The following SPARCL1 variants were observed in gnomAD, a reference collection of about 807,000 sequenced individuals.
SPARCL1 encodes the protein SPARC-like protein 1.
Under a neutral mutation model 67.1 loss-of-function variants are expected in SPARCL1, and 52 were observed. The observed-to-expected ratio is 0.78, with a 90% CI of 0.62 to 0.98. The LOEUF (loss-of-function observed/expected upper bound fraction) is 0.98. SPARCL1 is among the 50% of genes least tolerant of loss of function. SPARCL1 has a pLI of 0.00. For synonymous variants in SPARCL1, 226 were observed against 267.8 expected, an observed-to-expected ratio of 0.84 and a Z score of 1.52; for missense variants, 717 against 782.4, an observed-to-expected ratio of 0.92 and a Z score of 1.00.
chr4:87,527,890 A>G (rs1726115781), intron 1 of SPARCL1, among the ~76,000 whole-genome samples: 1 of 152,176 alleles, frequency 6.6e-6, no homozygotes, highest in African/African-American at 2.4e-5. Flanking sequence ...ATAGTTAACA[A>G]TAGTCACAAC....
intron 1 of SPARCL1, among the ~76,000 whole-genome samples, chr4:87,505,273 C>T (rs76234979): frequency 6.6e-6 from 1 of 152,194 alleles, no homozygotes; most frequent in Admixed American, 6.5e-5. Flanking sequence ...GCTATCTTTT[C>T]CCCTTAAACT....
At chr4:87,527,549 T>G (rs1726099447) in intron 1 of SPARCL1, among the ~76,000 whole-genome samples, 2 of 152,224 alleles carry the variant, frequency 1.3e-5, no homozygotes, top group African/African-American at 2.4e-5. Flanking sequence ...GCATCACTAT[T>G]CATTTTATTT....
At position 87,529,169 on chromosome 4, in the gene SPARCL1, T is replaced by C. The variant is rs1226951973; in HGVS notation, c.-136A>G. On this transcript the variant is annotated 5_prime_UTR_variant, in exon 1 of 11. Transcript: ENST00000282470. ...AAAACTCTTTAAATCCCTTTCCTCG[T>C]TAGCTCTGCTTCTTTGCCCAGAGGC... The C allele has an allele frequency of 2.6e-5, 4 of 152,230 alleles. No homozygotes were observed. Among genetic ancestry groups the C allele is most frequent in the Non-Finnish European group, 5.9e-5 (4 of 68,038 alleles). 9.4% of individuals were successfully genotyped at this position (152,230 alleles called of 1,614,324 possible).
intron 2 of SPARCL1, among the ~76,000 whole-genome samples, chr4:87,498,745 T>C (rs1326336793): frequency 6.6e-6 from 1 of 152,222 alleles, no homozygotes. Context: ...TAGGAGCTGA[T>C]TTATGATTAC....
chr4:87,506,343 G>A (rs1183528172), intron 1 of SPARCL1, among the ~76,000 whole-genome samples: 1 of 152,190 alleles, frequency 6.6e-6, no homozygotes, highest in Non-Finnish European at 1.5e-5. Flanking sequence ...CTAGACCATG[G>A]GATGCCCAGA....
chr4:87,486,074 G>A (rs1030065071), intron 7 of SPARCL1, among the ~76,000 whole-genome samples: 1 of 151,906 alleles, frequency 6.6e-6, no homozygotes, highest in African/African-American at 2.4e-5. Context: ...CTTCAGTTAT[G>A]CTCTGATCTT....
At chr4:87,488,774 G>A (rs1288551631) in intron 7 of SPARCL1, among the ~76,000 whole-genome samples, 1 of 152,230 alleles carries the variant, frequency 6.6e-6, no homozygotes. Context: ...CTTACTTTCA[G>A]AGATGCCTTT....
chr4:87,510,147 T>A (rs1284543521), intron 1 of SPARCL1, among the ~76,000 whole-genome samples: 5 of 152,214 alleles, frequency 3.3e-5, no homozygotes, highest in Non-Finnish European at 1.5e-5. Context: ...TATTTTACTA[T>A]TATCTACTCT....
chr4:87,504,135 TTG>T (rs70957258), intron 1 of SPARCL1, among the ~76,000 whole-genome samples: 3,053 of 30,900 alleles, frequency 0.099, 236 homozygotes, highest in African/African-American at 0.23. Flanking sequence ...TGATTTGGTA[TTG>T]TGTGTGTGTG....
chr4:87,512,740 TAAGCCATTTAATGTGA>T (rs1725421239), intron 1 of SPARCL1, among the ~76,000 whole-genome samples: 1 of 152,174 alleles, frequency 6.6e-6, no homozygotes, highest in African/African-American at 2.4e-5. Flanking sequence ...GATGTGATTT[TAAGCCATTTAATGTGA>T]GAGCATACTG....
At position 87,493,859 on chromosome 4, in the gene SPARCL1, T is replaced by A. The variant is rs537342927; in HGVS notation, c.941A>T (p.Lys314Met). Residue 314 changes from lysine to methionine, a missense_variant, in exon 4 of 11, where the codon AAG (lysine) becomes ATG (methionine). Physicochemically the swap from Lys to Met is moderately conservative, Grantham distance 95. Transcript: ENST00000282470. ...CATGAGCAGAGCCTCAGAAACAGTCTTTTCTTCTGTCTCTTTGTGGTTGCT... is the reference window on the plus strand; with the variant it reads ...CATGAGCAGAGCCTCAGAAACAGTCATTTCTTCTGTCTCTTTGTGGTTGCT... ...AISNHKETEE[K>M]TVSEALLMEP... 2 of 1,614,174 alleles carry A rather than the reference T, an allele frequency of 1.2e-6. No individual in the cohort carries two copies. The highest frequency in any genetic ancestry group is 1.7e-5 in the Admixed American group (1 of 60,022).
intron 1 of SPARCL1, among the ~76,000 whole-genome samples, chr4:87,504,475 A>T (rs1560823713): frequency 6.6e-6 from 1 of 152,166 alleles, no homozygotes; most frequent in Non-Finnish European, 1.5e-5. Flanking sequence ...AAATAAATTT[A>T]CAAATGGGAT....
intron 1 of SPARCL1, among the ~76,000 whole-genome samples, chr4:87,515,232 C>T (rs1725533093): frequency 6.6e-6 from 1 of 152,126 alleles, no homozygotes; most frequent in Admixed American, 6.6e-5. Context: ...ACTTGAACTG[C>T]CTTTTACCAG....
intron 2 of SPARCL1, among the ~76,000 whole-genome samples, chr4:87,497,588 G>T (rs1724673463): frequency 6.6e-6 from 1 of 152,186 alleles, no homozygotes; most frequent in Admixed American, 6.5e-5. Flanking sequence ...TTCATCTGGA[G>T]AATTCAGGCA....
At chr4:87,496,813 C>T (rs1724638625) in intron 2 of SPARCL1, among the ~76,000 whole-genome samples, 1 of 152,104 alleles carries the variant, frequency 6.6e-6, no homozygotes. Context: ...TATTTTTATT[C>T]CATTAGCAGG....
chr4:87,479,342 G>A (rs1723708554), intron 10 of SPARCL1, 88 bp downstream of exon 10: 3 of 1,361,776 alleles, frequency 2.2e-6, no homozygotes, highest in East Asian at 2.3e-5. Context: ...ATTCGAACAT[G>A]TGGCAGGACC....
At chr4:87,481,554 G>T (rs963346761) in intron 8 of SPARCL1, among the ~76,000 whole-genome samples, 14 of 152,080 alleles carry the variant, frequency 9.2e-5, no homozygotes, top group Non-Finnish European at 1.0e-4. Context: ...TTCCTATCAA[G>T]GTCAGCTATG....
chr4:87,518,866 G>A (rs1304673780), intron 1 of SPARCL1, among the ~76,000 whole-genome samples: 2 of 152,120 alleles, frequency 1.3e-5, no homozygotes, highest in Admixed American at 6.5e-5. Flanking sequence ...GAGAGAATTA[G>A]CTCAAAATTG....
chr4:87,480,509 A>T lies in SPARCL1; in HGVS notation c.1680T>A (p.Ile560=). 6.2e-7 allele frequency: 1 copy of T among 1,608,204 alleles called. No individual in the cohort carries two copies. The change falls in exon 9 of 11, where the codon ATT becomes ATA. Residue 560 remains isoleucine, a synonymous_variant. Transcript: ENST00000282470. The part of the protein sequence containing the change: ...NEKQRNKVKK[I]YLDEKRLLAG... The stretch of plus-strand genomic sequence containing the variant: ...CCAAAAGCCTCTTTTCATCCAGGTA[A>T]ATTTTCTTGACCTGGGATTAGGAAG...
Sources: allele counts gnomAD v4.1 joint callset (sites outside exome capture counted in the v4.1 genomes callset), GRCh38; gene constraint gnomAD v4.1.1; transcripts MANE v1.5; gene names NCBI Gene and HGNC (gene_info 2026-07-23, HGNC 2026-07-21).